NKAIN2: variants seen among roughly 807,000 people sequenced by gnomAD.
NKAIN2 encodes the protein sodium/potassium transporting ATPase interacting 2.
In NKAIN2, 14 loss-of-function variants were observed where a neutral mutation model predicts 32.6. The ratio of observed to expected loss-of-function variants is 0.43; its 90% CI spans 0.28 to 0.67. The LOEUF (loss-of-function observed/expected upper bound fraction) is 0.67, where lower values mean the gene tolerates loss of function less well. Among genes scored for constraint, NKAIN2 ranks in the 30% least tolerant of loss-of-function variants. NKAIN2 has a pLI of 0.17. For synonymous variants in NKAIN2, 80 were observed against 87.2 expected, an observed-to-expected ratio of 0.92 and a Z score of 0.46; for missense variants, 198 against 258.3, an observed-to-expected ratio of 0.77 and a Z score of 1.60.
intron 1 of NKAIN2, among the ~76,000 whole-genome samples, chr6:123,836,620 T>C (rs530879943): frequency 1.7e-4 from 25 of 148,260 alleles, no homozygotes; most frequent in Middle Eastern, 3.5e-3. Context: ...TGAAATATGG[T>C]GTCCTGGCTT....
chr6:124,790,107 A>G (rs1204168475), intron 4 of NKAIN2, among the ~76,000 whole-genome samples: 1 of 152,082 alleles, frequency 6.6e-6, no homozygotes, highest in African/African-American at 2.4e-5. Flanking sequence ...ATCCTATGCC[A>G]GTTCTTTTTG....
At chr6:124,098,000 C>T (rs1038359977) in intron 1 of NKAIN2, among the ~76,000 whole-genome samples, 2 of 151,784 alleles carry the variant, frequency 1.3e-5, no homozygotes, top group African/African-American at 4.8e-5. Context: ...AAGTTAGTCA[C>T]CTGGAGGTGA....
chr6:123,991,624 A>G (rs562846341), intron 1 of NKAIN2, among the ~76,000 whole-genome samples: 50 of 152,238 alleles, frequency 3.3e-4, no homozygotes, highest in South Asian at 1.0e-3. Flanking sequence ...GCACTTTGGG[A>G]GGCCTAGGTG....
chr6:124,299,467 G>T (rs1796206979), intron 2 of NKAIN2, among the ~76,000 whole-genome samples: 1 of 151,968 alleles, frequency 6.6e-6, no homozygotes, highest in South Asian at 2.1e-4. Flanking sequence ...ATAGAAAAAT[G>T]ATTTTTTTTA....
chr6:124,233,831 A>G (rs1379186776), intron 1 of NKAIN2, among the ~76,000 whole-genome samples: 1 of 152,310 alleles, frequency 6.6e-6, no homozygotes, highest in African/African-American at 2.4e-5. Context: ...TCAATATGCT[A>G]GGTTATGTGT....
rs1486121147 is a variant in NKAIN2 at position 124,302,860 on chromosome 6, C to T, written c.192+19718C>T. ...AAACCAAGAATACATGGTATATTCCCAGGCAGAAAACAATCTAAGAAAGGT... is the reference window on the plus strand; with the variant it reads ...AAACCAAGAATACATGGTATATTCCTAGGCAGAAAACAATCTAAGAAAGGT... On this transcript the variant is annotated intron_variant, in intron 2 of 6. Transcript: ENST00000368417. Among the ~76,000 whole-genome samples, 4 of 152,070 alleles carry T rather than the reference C, an allele frequency of 2.6e-5. No homozygotes were observed. The East Asian group carries it at 7.7e-4, about 29-fold the overall frequency.
intron 1 of NKAIN2, among the ~76,000 whole-genome samples, chr6:124,099,574 A>C (rs970261223): frequency 6.6e-6 from 1 of 152,198 alleles, no homozygotes; most frequent in Non-Finnish European, 1.5e-5. Context: ...TTGCTCAATA[A>C]ATGGCTGTAT....
At chr6:124,413,608 G>C (rs1359188793) in intron 3 of NKAIN2, among the ~76,000 whole-genome samples, 4 of 152,124 alleles carry the variant, frequency 2.6e-5, no homozygotes, top group African/African-American at 9.7e-5. Flanking sequence ...TTGGGATAGG[G>C]ATTGCACTAA....
chr6:124,021,218 T>C (rs745945627), intron 1 of NKAIN2, among the ~76,000 whole-genome samples: 4,789 of 152,110 alleles, frequency 0.031, 142 homozygotes, highest in Non-Finnish European at 0.045. Flanking sequence ...GTTTGATTAG[T>C]GGGTGCACAC....
chr6:124,808,413 G>A (rs1438816023), intron 5 of NKAIN2, among the ~76,000 whole-genome samples: 5 of 152,112 alleles, frequency 3.3e-5, no homozygotes, highest in South Asian at 2.1e-4. Flanking sequence ...TGCAGAAAAG[G>A]CCTTTGACAA....
chr6:124,099,787 A>G (rs1218019789), intron 1 of NKAIN2, among the ~76,000 whole-genome samples: 1 of 152,204 alleles, frequency 6.6e-6, no homozygotes, highest in African/African-American at 2.4e-5. Flanking sequence ...CTTACAATGC[A>G]CAGGATAGAC....
intron 1 of NKAIN2, among the ~76,000 whole-genome samples, chr6:123,972,624 T>A (rs1023076792): frequency 2.6e-5 from 4 of 152,174 alleles, no homozygotes; most frequent in African/African-American, 9.7e-5. Flanking sequence ...GAGCCTGATG[T>A]TAGCTTGGAG....
chr6:123,821,755 A>G (rs925444051), intron 1 of NKAIN2, among the ~76,000 whole-genome samples: 1 of 152,322 alleles, frequency 6.6e-6, no homozygotes, highest in Admixed American at 6.5e-5. Context: ...CGTGAAGTTC[A>G]AAAATACTGT....
At chr6:124,441,064 G>A (rs1281474033) in intron 3 of NKAIN2, among the ~76,000 whole-genome samples, 1 of 152,054 alleles carries the variant, frequency 6.6e-6, no homozygotes, top group East Asian at 1.9e-4. Flanking sequence ...GTCTTAAACA[G>A]GCAATTTCTT....
At chr6:124,644,814 T>A (rs2114371324) in intron 3 of NKAIN2, among the ~76,000 whole-genome samples, 1 of 152,344 alleles carries the variant, frequency 6.6e-6, no homozygotes, top group African/African-American at 2.4e-5. Flanking sequence ...AATAACCTGC[T>A]GATATACATG....
rs576731626 is a variant in NKAIN2 at position 124,690,770 on chromosome 6, T to C, written c.474+32384T>C. Among the ~76,000 whole-genome samples, 8 of 152,310 alleles carry C rather than the reference T, an allele frequency of 5.3e-5. No individual in the cohort carries two copies. In the South Asian group the frequency reaches 8.3e-4, roughly 16 times the overall value. On this transcript the variant is annotated intron_variant, in intron 4 of 6. Coordinates refer to ENST00000368417, the MANE Select transcript of NKAIN2 (RefSeq NM_001040214.3). ...GCTGTCTCATCACATCTCACCTGAATAGCATAGCAGCTTTCTCCTCAATTC... is the reference window on the plus strand; with the variant it reads ...GCTGTCTCATCACATCTCACCTGAACAGCATAGCAGCTTTCTCCTCAATTC...
chr6:124,076,626 G>C (rs1783711054), intron 1 of NKAIN2, among the ~76,000 whole-genome samples: 1 of 152,190 alleles, frequency 6.6e-6, no homozygotes. Context: ...TATAGAAATA[G>C]CAGAGTTATC....
At chr6:124,117,839 A>C (rs1003745571) in intron 1 of NKAIN2, among the ~76,000 whole-genome samples, 1 of 151,444 alleles carries the variant, frequency 6.6e-6, no homozygotes, top group Non-Finnish European at 1.5e-5. Context: ...ATTTTATAAA[A>C]TCTGTCATTA....
At chr6:124,661,556 A>C (rs945453600) in intron 4 of NKAIN2, among the ~76,000 whole-genome samples, 4 of 152,192 alleles carry the variant, frequency 2.6e-5, no homozygotes, top group African/African-American at 9.6e-5. Context: ...AGATATCTCC[A>C]ATCTACAGCC....
Sources: gnomAD v4.1 joint callset for allele counts (sites outside exome capture counted in the v4.1 genomes callset) on GRCh38, gnomAD v4.1.1 for gene constraint, MANE v1.5 for transcripts, NCBI Gene and HGNC (gene_info 2026-07-23, HGNC 2026-07-21) for gene names.